The following S100A10 variants were observed in gnomAD, a reference collection of about 807,000 sequenced individuals.
S100A10 encodes S100 calcium binding protein A10, also known as protein S100-A10.
In S100A10, 3 loss-of-function variants were observed where a neutral mutation model predicts 7.1. The ratio of observed to expected loss-of-function variants is 0.42; its 90% CI spans 0.19 to 1.10. The LOEUF (loss-of-function observed/expected upper bound fraction) is 1.10. Ranked by LOEUF, S100A10 falls within the 50% of genes least tolerant of loss-of-function variation. The probability of loss-of-function intolerance (pLI) is 0.29; values close to 1 mark genes in which losing one functional copy is unlikely to be tolerated. For synonymous variants in S100A10, 41 were observed against 39.3 expected, an observed-to-expected ratio of 1.04 and a Z score of -0.16; for missense variants, 101 against 118.1, an observed-to-expected ratio of 0.86 and a Z score of 0.67.
chr1:151,983,306 C>A lies in S100A10; in HGVS notation c.151G>T (p.Ala51Ser). ...AGGTCCTTCATTATTTTGTCCACAG[C>A]CAGAGGGTCTTTTTGATTCTGAAAA... ...GFLENQKDPL[A>S]VDKIMKDLDQ... The change falls in exon 3 of 3, where the codon GCT becomes TCT. Residue 51 changes from alanine (A) to serine (S), a missense_variant. Coordinates refer to ENST00000368811, the MANE Select transcript of S100A10 (RefSeq NM_002966.3). 6.4e-7 allele frequency: 1 copy of A among 1,551,268 alleles called. No individual in the cohort carries two copies. Among genetic ancestry groups the A allele is most frequent in the Non-Finnish European group, 8.6e-7 (1 of 1,156,892 alleles).
chr1:151,985,316 A>G (rs1033762559), intron 2 of S100A10: 1 of 152,214 alleles, frequency 6.6e-6, no homozygotes, highest in African/African-American at 2.4e-5. Flanking sequence ...AGTTGAATTC[A>G]ACAGCCACCT....
At chr1:151,984,078 T>C (rs1316508174) in intron 2 of S100A10, 2 of 152,216 alleles carry the variant, frequency 1.3e-5, no homozygotes, top group African/African-American at 2.4e-5. Context: ...CTTGCTTACA[T>C]GGTGATTGGC....
chr1:151,986,556 C>T (rs1341921747), intron 1 of S100A10, among the ~76,000 whole-genome samples: 2 of 152,176 alleles, frequency 1.3e-5, no homozygotes, highest in Admixed American at 1.3e-4. Context: ...ACTTATTCCT[C>T]CTAACTGAAA....
In S100A10 at chr1:151,983,321, G is replaced by A; in HGVS notation, c.136C>T (p.Gln46Ter). Residue 46 changes from glutamine (Q) to a stop codon, truncating the protein, a stop_gained, in exon 3 of 3, where the codon CAA becomes TAA. Coordinates refer to ENST00000368811, the MANE Select transcript of S100A10 (RefSeq NM_002966.3). LOFTEE classifies it high-confidence loss of function. ...TTGTCCACAGCCAGAGGGTCTTTTT[G>A]ATTCTGAAAAAAAAAAGAACAAAGG... ...EKEFPGFLEN[Q>*]KDPLAVDKIM... 1 of 1,530,694 alleles carries A rather than the reference G, an allele frequency of 6.5e-7. No individual in the cohort carries two copies. 94.8% of individuals were successfully genotyped at this position (1,530,694 alleles called of 1,614,324 possible).
At chr1:151,988,882 C>A (rs1207669456) in intron 1 of S100A10, among the ~76,000 whole-genome samples, 1 of 152,046 alleles carries the variant, frequency 6.6e-6, no homozygotes, top group Admixed American at 6.5e-5. Flanking sequence ...GGGATCCCAC[C>A]CCAGTTCTTA....
intron 1 of S100A10, among the ~76,000 whole-genome samples, chr1:151,990,860 C>A (rs922390367): frequency 3.3e-5 from 5 of 152,148 alleles, no homozygotes; most frequent in African/African-American, 1.2e-4. Context: ...GTGCCCCAGC[C>A]CTCATAGAGC....
chr1:151,987,701 G>A (rs954260697), intron 1 of S100A10, among the ~76,000 whole-genome samples: 19 of 151,858 alleles, frequency 1.3e-4, no homozygotes, highest in Admixed American at 9.8e-4. Flanking sequence ...CACCGCGCCC[G>A]ACTAATTTTT....
At position 151,986,221 on chromosome 1, in the gene S100A10, G is replaced by T; in HGVS notation, c.10C>A (p.Gln4Lys). 4 of 1,603,634 alleles carry T rather than the reference G, an allele frequency of 2.5e-6. No individual in the cohort carries two copies. Among genetic ancestry groups the T allele is most frequent in the Non-Finnish European group, 3.4e-6 (4 of 1,176,626 alleles). The stretch of plus-strand genomic sequence containing the variant: ...ATGGTTTCCATGGCGTGTTCCATTT[G>T]AGATGGCATTTTGGTGTGGTCCGTT... MPSQMEHAMETMMF... is the reference protein window; with the variant it reads MPSKMEHAMETMMF... Residue 4 changes from glutamine (Q) to lysine (K), a missense_variant, in exon 2 of 3, where the codon CAA (glutamine) becomes AAA (lysine). Coordinates refer to ENST00000368811, the MANE Select transcript of S100A10 (RefSeq NM_002966.3).
chr1:151,983,410 T>A, intron 2 of S100A10, 86 bp from the exon 3 acceptor site: 1 of 743,314 alleles, frequency 1.3e-6, no homozygotes, highest in Non-Finnish European at 2.0e-6. Context: ...GAGAACTGTG[T>A]ATATATCTCC....
In S100A10 at chr1:151,993,513, G is replaced by GC. The variant is rs1475925013; in HGVS notation, c.-22+238dup. ...CACGGTCCCCTCCTAAAGAACAAGT[G>GC]CCCCCTCCTCTGGTCCGCGTGGGTC... On this transcript the variant is annotated intron_variant, in intron 1 of 2. Coordinates refer to ENST00000368811, the MANE Select transcript of S100A10 (RefSeq NM_002966.3). This position sits in a 1 kb window ranked among gnomAD's most constrained non-coding sequence, Gnocchi z 5.1. 2.0e-5 allele frequency among the ~76,000 whole-genome samples: 3 copies of GC among 152,200 alleles called. No homozygotes were observed. The highest frequency in any genetic ancestry group is 4.4e-5 in the Non-Finnish European group (3 of 68,014).
At chr1:151,985,755 T>C (rs1655776957) in intron 2 of S100A10, among the ~76,000 whole-genome samples, 1 of 152,098 alleles carries the variant, frequency 6.6e-6, no homozygotes, top group African/African-American at 2.4e-5. Context: ...CCCAACATCG[T>C]CACAACAGAC....
intron 1 of S100A10, among the ~76,000 whole-genome samples, chr1:151,992,972 A>C (rs967680748): frequency 6.6e-6 from 1 of 152,196 alleles, no homozygotes; most frequent in African/African-American, 2.4e-5. Context: ...TGTCTGTTTC[A>C]CTGCACCGGG....
In S100A10 at chr1:151,982,953, G is replaced by T; in HGVS notation, c.*210C>A. On this transcript the variant is annotated 3_prime_UTR_variant, in exon 3 of 3. Transcript: ENST00000368811. ...AAGAACTTTATTTATTGAGGGCAAG[G>T]GGATGCAAACAATACAAAAATCAAA... The T allele has an allele frequency of 2.5e-6, 1 of 394,750 alleles. No individual in the cohort carries two copies. The highest frequency in any genetic ancestry group is 3.7e-5 in the East Asian group (1 of 26,762). The allele number at this position is 394,750 out of a possible 1,614,324, so 24.5% of individuals were successfully genotyped here.
At chr1:151,990,183 A>G (rs1655876105) in intron 1 of S100A10, among the ~76,000 whole-genome samples, 1 of 152,116 alleles carries the variant, frequency 6.6e-6, no homozygotes, top group Non-Finnish European at 1.5e-5. Flanking sequence ...AGGGCCAGGA[A>G]AGGGGCCCCA....
At position 151,991,108 on chromosome 1, in the gene S100A10, G is replaced by A. The variant is rs1655895201; in HGVS notation, c.-22+2644C>T. 4.0e-5 allele frequency among the ~76,000 whole-genome samples: 6 copies of A among 149,206 alleles called. No individual in the cohort carries two copies. The South Asian group carries it at 1.4e-3, about 35-fold the overall frequency. ...CCCTAGTTTTCTTACAGCCCACCCA[G>A]AAAATAAACGGCAGGGTGTCAGTAA... On this transcript the variant is annotated intron_variant, in intron 1 of 2. Transcript: ENST00000368811.
intron 2 of S100A10, among the ~76,000 whole-genome samples, chr1:151,985,547 G>A (rs1655773164): frequency 6.6e-6 from 1 of 152,172 alleles, no homozygotes. Context: ...GTAGATGACT[G>A]ACACTGCTCC....
chr1:151,983,513 G>A (rs1233240007), intron 2 of S100A10, among the ~76,000 whole-genome samples, 189 bp from the exon 3 acceptor site: 1 of 148,668 alleles, frequency 6.7e-6, no homozygotes, highest in East Asian at 2.0e-4. Flanking sequence ...GAGCATTTCA[G>A]TAATTTCATA....
At position 151,983,346 on chromosome 1, in the gene S100A10, G is replaced by T. The variant is rs775743541; in HGVS notation, c.133-22C>A. The T allele has an allele frequency of 2.0e-6, 3 of 1,493,546 alleles. No individual in the cohort carries two copies. The Admixed American group carries it at 7.2e-5, about 36-fold the overall frequency. The allele number at this position is 1,493,546 out of a possible 1,614,324, so 92.5% of individuals were successfully genotyped here. A position where few individuals can be genotyped will look rare whatever the true frequency, so the allele number is the denominator to read the frequency against. On this transcript the variant is annotated intron_variant, in intron 2 of 2. Coordinates refer to ENST00000368811, the MANE Select transcript of S100A10 (RefSeq NM_002966.3). ...GATTCTGAAAAAAAAAAGAACAAAG[G>T]CAAGAAATAGAAGTCAAAGGTTGCA... is the stretch of plus-strand genomic sequence containing the variant.
At chr1:151,990,482 CAT>C in intron 1 of S100A10, among the ~76,000 whole-genome samples, 1 of 152,356 alleles carries the variant, frequency 6.6e-6, no homozygotes, top group South Asian at 2.1e-4. Context: ...ATGCCCTCTA[CAT>C]GTTTGTCTGA....
Sources: allele counts gnomAD v4.1 joint callset (sites outside exome capture counted in the v4.1 genomes callset), GRCh38; gene constraint gnomAD v4.1.1; non-coding constraint Gnocchi (gnomAD v3.1); transcripts MANE v1.5; gene names NCBI Gene and HGNC (gene_info 2026-07-23, HGNC 2026-07-21).